Variants in CDH18 observed in about 807,000 individuals in gnomAD.
The protein encoded by CDH18 is cadherin 18.
Under a neutral mutation model 67.9 loss-of-function variants are expected in CDH18, and 31 were observed. The observed-to-expected ratio is 0.46, with a 90% CI of 0.34 to 0.62. The LOEUF (loss-of-function observed/expected upper bound fraction) is 0.62, where lower values mean the gene tolerates loss of function less well. Among genes scored for constraint, CDH18 ranks in the 20% least tolerant of loss-of-function variants. CDH18 has a pLI of 0.01. For missense variants in CDH18, 890 were observed against 975.5 expected, an observed-to-expected ratio of 0.91 and a Z score of 1.17; for synonymous variants, 362 against 347.2, an observed-to-expected ratio of 1.04 and a Z score of -0.48.
chr5:19,884,938 ATAAT>A (rs1398301668), intron 2 of CDH18, among the ~76,000 whole-genome samples: 1 of 152,182 alleles, frequency 6.6e-6, no homozygotes, highest in African/African-American at 2.4e-5. Flanking sequence ...TTAATGGATT[ATAAT>A]TAATTTTTCA....
chr5:20,464,138 A>T (rs1014857577), intron 1 of CDH18, among the ~76,000 whole-genome samples: 10 of 152,082 alleles, frequency 6.6e-5, no homozygotes, highest in African/African-American at 2.2e-4. Context: ...CACACAAAAA[A>T]CTCAAGTTTA....
At chr5:19,807,492 C>A (rs564917547) in intron 3 of CDH18, among the ~76,000 whole-genome samples, 3 of 152,212 alleles carry the variant, frequency 2.0e-5, no homozygotes, top group African/African-American at 7.2e-5. Flanking sequence ...AATATTAAGT[C>A]CCCAATTATT....
intron 1 of CDH18, among the ~76,000 whole-genome samples, chr5:20,390,848 G>A (rs1016971211): frequency 2.6e-5 from 4 of 152,108 alleles, no homozygotes; most frequent in African/African-American, 4.8e-5. Flanking sequence ...GGACATGAAC[G>A]AAGCTGGAAA....
chr5:20,392,995 T>C (rs538680026), intron 1 of CDH18, among the ~76,000 whole-genome samples: 1 of 152,046 alleles, frequency 6.6e-6, no homozygotes, highest in Non-Finnish European at 1.5e-5. Context: ...ATTTAGTATT[T>C]CTATCATGAT....
At chr5:19,951,359 T>C (rs993963430) in intron 2 of CDH18, among the ~76,000 whole-genome samples, 1 of 152,202 alleles carries the variant, frequency 6.6e-6, no homozygotes, top group South Asian at 2.1e-4. Context: ...GGACATCCTT[T>C]AAAGGACGGT....
At chr5:20,232,510 A>C (rs915630400) in intron 2 of CDH18, among the ~76,000 whole-genome samples, 10 of 152,068 alleles carry the variant, frequency 6.6e-5, no homozygotes. Flanking sequence ...AAATTTTTGA[A>C]GTTACTTATT....
chr5:19,879,387 A>C (rs1260240261), intron 2 of CDH18, among the ~76,000 whole-genome samples: 1 of 151,866 alleles, frequency 6.6e-6, no homozygotes, highest in Admixed American at 6.6e-5. Context: ...CTTTACAACA[A>C]TTCCCATATT....
chr5:20,358,160 A>G (rs1453056280), intron 1 of CDH18, among the ~76,000 whole-genome samples: 1 of 152,156 alleles, frequency 6.6e-6, no homozygotes, highest in Admixed American at 6.5e-5. Context: ...GGGCAGAGAG[A>G]AAGAGGGAGG....
chr5:20,500,980 C>T (rs1754214228), intron 1 of CDH18, among the ~76,000 whole-genome samples: 2 of 152,172 alleles, frequency 1.3e-5, no homozygotes, highest in Middle Eastern at 6.8e-3. Context: ...AATTTAGTAT[C>T]ATAGAACTCA....
Position 19,497,430 on chromosome 5 carries a change from G to A in CDH18, c.1630+5562C>T, listed in dbSNP as rs1289957469. ...CAATATATTCCCAGCACATGTCACA[G>A]TAATAAAACCTAGGTCCAAAATAAA... On this transcript the variant is annotated intron_variant, in intron 11 of 12. Coordinates refer to ENST00000382275, the MANE Select transcript of CDH18 (RefSeq NM_004934.5). Among the ~76,000 whole-genome samples, 3 of 152,110 alleles carry A rather than the reference G, an allele frequency of 2.0e-5. No individual in the cohort carries two copies. In the East Asian group the frequency reaches 5.8e-4, roughly 29 times the overall value.
At chr5:19,640,829 TA>T (rs1415901598) in intron 5 of CDH18, among the ~76,000 whole-genome samples, 1 of 149,752 alleles carries the variant, frequency 6.7e-6, no homozygotes, top group Admixed American at 6.7e-5. Flanking sequence ...GTTGGCAGAA[TA>T]AAAAAAATAT....
chr5:20,570,503 C>A (rs1176783058), intron 1 of CDH18, among the ~76,000 whole-genome samples: 1 of 152,166 alleles, frequency 6.6e-6, no homozygotes, highest in Non-Finnish European at 1.5e-5. Flanking sequence ...AACTTTTAAC[C>A]TATGAGTGAC....
At chr5:19,946,547 T>A (rs1247191027) in intron 2 of CDH18, among the ~76,000 whole-genome samples, 1 of 152,106 alleles carries the variant, frequency 6.6e-6, no homozygotes, top group East Asian at 1.9e-4. Context: ...TACTTGAGAA[T>A]ATTATACTTT....
intron 5 of CDH18, among the ~76,000 whole-genome samples, chr5:19,635,899 A>G (rs1253527834): frequency 2.6e-5 from 4 of 152,134 alleles, no homozygotes; most frequent in African/African-American, 9.7e-5. Flanking sequence ...GAAAAAGGAG[A>G]CATTCCTGTT....
intron 5 of CDH18, among the ~76,000 whole-genome samples, chr5:19,624,153 G>A (rs753900637): frequency 2.6e-5 from 4 of 151,904 alleles, no homozygotes; most frequent in Non-Finnish European, 4.4e-5. Context: ...GATTGCGGGC[G>A]TGCACCACCA....
At chr5:20,504,943 A>G (rs1467133491) in intron 1 of CDH18, among the ~76,000 whole-genome samples, 1 of 151,726 alleles carries the variant, frequency 6.6e-6, no homozygotes, top group East Asian at 1.9e-4. Flanking sequence ...AATTTTTTGT[A>G]TATTTAGTAG....
chr5:19,955,491 T>C (rs1796175578), intron 2 of CDH18, among the ~76,000 whole-genome samples: 1 of 151,886 alleles, frequency 6.6e-6, no homozygotes, highest in African/African-American at 2.4e-5. Context: ...TATGAATTTA[T>C]TGTAGCATGT....
At chr5:20,139,633 C>A (rs1352893288) in intron 2 of CDH18, among the ~76,000 whole-genome samples, 1 of 152,088 alleles carries the variant, frequency 6.6e-6, no homozygotes, top group African/African-American at 2.4e-5. Context: ...AAAAATCAAA[C>A]AACCCCATCA....
intron 2 of CDH18, among the ~76,000 whole-genome samples, chr5:20,061,593 GT>G (rs1373529404): frequency 6.6e-6 from 1 of 152,088 alleles, no homozygotes; most frequent in Non-Finnish European, 1.5e-5. Flanking sequence ...CACTTTATTA[GT>G]GGCAATAGTG....
Sources: allele counts gnomAD v4.1 joint callset (sites outside exome capture counted in the v4.1 genomes callset), GRCh38; gene constraint gnomAD v4.1.1; transcripts MANE v1.5; gene names NCBI Gene and HGNC (gene_info 2026-07-23, HGNC 2026-07-21).